Variants in KATNAL2 observed in about 807,000 individuals in gnomAD.
KATNAL2 encodes katanin p60 ATPase-containing subunit A-like 2.
Under a neutral mutation model 76.3 loss-of-function variants are expected in KATNAL2, and 52 were observed. The ratio of observed to expected loss-of-function variants is 0.68; its 90% CI spans 0.55 to 0.86. KATNAL2 has a LOEUF of 0.86. Among genes scored for constraint, KATNAL2 ranks in the 40% least tolerant of loss-of-function variants. The pLI is 0.00. For synonymous variants in KATNAL2, 243 were observed against 244.2 expected, an observed-to-expected ratio of 1.00 and a Z score of 0.05; for missense variants, 660 against 668.9, an observed-to-expected ratio of 0.99 and a Z score of 0.15.
intron 5 of KATNAL2, 98 bp downstream of exon 5, chr18:47,053,144 C>A: frequency 2.0e-6 from 2 of 1,024,914 alleles, no homozygotes; most frequent in Non-Finnish European, 2.8e-6. Flanking sequence ...CCTCACCCTG[C>A]ACCAAAGGAG....
intron 1 of KATNAL2, among the ~76,000 whole-genome samples, chr18:46,924,562 C>CT (rs1231279912): frequency 6.6e-6 from 1 of 152,092 alleles, no homozygotes; most frequent in Non-Finnish European, 1.5e-5. Context: ...AATGCAGGCT[C>CT]TTTTTTGGTT....
chr18:46,946,360 T>C lies in KATNAL2; in HGVS notation c.-206T>C. ...CAGAAGGCTCTTGACAACCAAAGTG[T>C]CCACAGCAGATTCGTCCAGTCTAGA... On this transcript the variant is annotated 5_prime_UTR_variant, in exon 2 of 18. Transcript: ENST00000683218. The C allele has an allele frequency of 4.9e-6, 5 of 1,026,538 alleles. No homozygotes were observed. The highest frequency in any genetic ancestry group is 5.9e-6 in the Non-Finnish European group (5 of 853,182). The allele number at this position is 1,026,538 out of a possible 1,614,324, so 63.6% of individuals were successfully genotyped here.
In KATNAL2 at chr18:46,924,418, C is replaced by T. The variant is rs559087295; in HGVS notation, c.-510+6492C>T. On this transcript the variant is annotated intron_variant, in intron 1 of 17. Transcript: ENST00000683218. ...CAGCATTATTTCTGAGGGCTCTGTTCTGTTACATTGGTCTATATCTCTGTT... is the reference window on the plus strand; with the variant it reads ...CAGCATTATTTCTGAGGGCTCTGTTTTGTTACATTGGTCTATATCTCTGTT... 2.0e-5 allele frequency among the ~76,000 whole-genome samples: 3 copies of T among 152,236 alleles called. No individual in the cohort carries two copies. In the South Asian group the frequency reaches 6.2e-4, roughly 32 times the overall value.
At chr18:47,058,135 A>G in intron 6 of KATNAL2, 100 bp from the exon 7 acceptor site, 1 of 842,212 alleles carries the variant, frequency 1.2e-6, no homozygotes, top group Non-Finnish European at 2.0e-6. Flanking sequence ...ATATCTTTCA[A>G]TAGCTTTCTT....
intron 15 of KATNAL2, chr18:47,098,461 A>C: frequency 5.8e-6 from 1 of 172,820 alleles, no homozygotes; most frequent in Non-Finnish European, 1.2e-5. Context: ...CTACCATGAG[A>C]ACAGCATGCG....
At chr18:46,918,201 G>GC (rs770321376) in intron 1 of KATNAL2, among the ~76,000 whole-genome samples, 15 of 152,028 alleles carry the variant, frequency 9.9e-5, no homozygotes, top group East Asian at 5.8e-4. Flanking sequence ...AAGCTTGATG[G>GC]CCCCCCCGTA....
chr18:47,051,445 G>C (rs2061339364), intron 4 of KATNAL2, among the ~76,000 whole-genome samples: 1 of 148,668 alleles, frequency 6.7e-6, no homozygotes, highest in Admixed American at 6.7e-5. Flanking sequence ...AAAAAAAAAA[G>C]GTTAAAAAAA....
At chr18:47,063,925 G>T (rs1210570042) in intron 10 of KATNAL2, among the ~76,000 whole-genome samples, 1 of 152,136 alleles carries the variant, frequency 6.6e-6, no homozygotes, top group African/African-American at 2.4e-5. Flanking sequence ...TGTGACTTTG[G>T]GCAAGTTCCT....
rs2059382973 is a variant in KATNAL2, at chr18:46,946,449, A to G, written c.-117A>G. 1 of 985,370 alleles carries G rather than the reference A, an allele frequency of 1.0e-6. No individual in the cohort carries two copies. The allele number at this position is 985,370 out of a possible 1,614,324, so 61.0% of individuals were successfully genotyped here. ...GATTTCCAAACCTTTACCCTAATCCAGGGAGGAGAAGACGGGACGTCAAAA... is the reference window on the plus strand; with the variant it reads ...GATTTCCAAACCTTTACCCTAATCCGGGGAGGAGAAGACGGGACGTCAAAA... On this transcript the variant is annotated 5_prime_UTR_variant, in exon 2 of 18. Transcript: ENST00000683218.
chr18:47,069,343 C>T, intron 12 of KATNAL2, 60 bp downstream of exon 12: 2 of 1,455,502 alleles, frequency 1.4e-6, no homozygotes, highest in Non-Finnish European at 1.9e-6. Flanking sequence ...GATGAGTTGC[C>T]CCTTCTGTCC....
Position 46,949,121 on chromosome 18 carries a change from C to A in KATNAL2, c.51+2198C>A, listed in dbSNP as rs567734643. On this transcript the variant is annotated intron_variant, in intron 3 of 17. Transcript: ENST00000683218. ...CCATGTTGTCCAGGCTGGTCTTGAA[C>A]TCCTAGGCTCAAGTGATCCTCCCAC... Among the ~76,000 whole-genome samples, 35 of 152,254 alleles carry A rather than the reference C, an allele frequency of 2.3e-4. 1 individual carries two copies. The highest frequency in any genetic ancestry group is 3.4e-3 in the Middle Eastern group (1 of 294).
intron 1 of KATNAL2, among the ~76,000 whole-genome samples, chr18:46,932,582 G>C (rs1254287523): frequency 2.1e-5 from 3 of 139,614 alleles, no homozygotes; most frequent in Non-Finnish European, 4.6e-5. Context: ...GCTGAGGCAT[G>C]AGAATCACTT....
intron 13 of KATNAL2, among the ~76,000 whole-genome samples, chr18:47,072,353 C>T (rs747197149): frequency 3.9e-5 from 6 of 152,162 alleles, no homozygotes; most frequent in Non-Finnish European, 8.8e-5. Context: ...GCAGAGGCAA[C>T]TACTATTAAC....
At chr18:47,042,375 T>C (rs2060993309) in intron 3 of KATNAL2, among the ~76,000 whole-genome samples, 2 of 152,196 alleles carry the variant, frequency 1.3e-5, no homozygotes, top group African/African-American at 4.8e-5. Context: ...TTGTGTTTTC[T>C]AGCACTCTGA....
At chr18:47,063,119 A>G in intron 9 of KATNAL2, 49 bp downstream of exon 9, 1 of 1,535,262 alleles carries the variant, frequency 6.5e-7, no homozygotes, top group African/African-American at 1.4e-5. Context: ...CAACATCCAG[A>G]TGAACTCTGG....
chr18:47,101,823 G>A lies in KATNAL2; in HGVS notation c.*818G>A, dbSNP rs562690796. 6.6e-6 allele frequency: 1 copy of A among 152,200 alleles called. No homozygotes were observed. Among genetic ancestry groups the A allele is most frequent in the South Asian group, 2.1e-4 (1 of 4,820 alleles). 9.4% of individuals were successfully genotyped at this position (152,200 alleles called of 1,614,324 possible). A position where few individuals can be genotyped will look rare whatever the true frequency, so the allele number is the denominator to read the frequency against. On this transcript the variant is annotated 3_prime_UTR_variant, in exon 18 of 18. Transcript: ENST00000683218. ...TCATCCCAAGTCTTCCCTGCTCTTAGGCTCTTCCCCCTCTCCTTAAGGGGT... is the reference window on the plus strand; with the variant it reads ...TCATCCCAAGTCTTCCCTGCTCTTAAGCTCTTCCCCCTCTCCTTAAGGGGT...
At chr18:46,922,506 A>T (rs768118742) in intron 1 of KATNAL2, among the ~76,000 whole-genome samples, 1 of 152,026 alleles carries the variant, frequency 6.6e-6, no homozygotes, top group Non-Finnish European at 1.5e-5. Context: ...AAAAATAAAA[A>T]GTTGAGGCTG....
At chr18:46,920,633 T>G (rs2058487167) in intron 1 of KATNAL2, among the ~76,000 whole-genome samples, 1 of 152,224 alleles carries the variant, frequency 6.6e-6, no homozygotes, top group African/African-American at 2.4e-5. Context: ...TAATTTGGCA[T>G]TTTTTCTAAT....
chr18:47,082,635 C>T (rs755241604), intron 15 of KATNAL2, among the ~76,000 whole-genome samples: 14 of 152,278 alleles, frequency 9.2e-5, no homozygotes, highest in Admixed American at 2.0e-4. Context: ...TTTATAGCTG[C>T]GCAGGGCTCC....
Sources: allele counts gnomAD v4.1 joint callset (sites outside exome capture counted in the v4.1 genomes callset), GRCh38; gene constraint gnomAD v4.1.1; transcripts MANE v1.5; gene names NCBI Gene and HGNC (gene_info 2026-07-23, HGNC 2026-07-21).